The following UAP1L1 variants were observed in gnomAD, a reference collection of about 807,000 sequenced individuals.
The protein encoded by UAP1L1 is UDP-N-acetylhexosamine pyrophosphorylase-like protein 1.
In UAP1L1, 45 loss-of-function variants were observed where a neutral mutation model predicts 45.3. The ratio of observed to expected loss-of-function variants is 0.99; its 90% CI spans 0.78 to 1.27. UAP1L1 has a LOEUF of 1.27. UAP1L1 is among the 50% of genes most tolerant of loss of function. The pLI is 0.00. For missense variants in UAP1L1, 667 were observed against 694.0 expected, an observed-to-expected ratio of 0.96 and a Z score of 0.44; for synonymous variants, 323 against 303.9, an observed-to-expected ratio of 1.06 and a Z score of -0.65.
rs1422233241 is a variant in UAP1L1 at position 137,082,948 on chromosome 9, G to A, written c.*219G>A. The stretch of plus-strand genomic sequence containing the variant: ...CCACGAGGGCAGGGCCTCTCCTGTC[G>A]CCTCTGGACACAAGTGGCGACAGCC... On this transcript the variant is annotated 3_prime_UTR_variant, in exon 9 of 9. Coordinates refer to ENST00000409858, the MANE Select transcript of UAP1L1 (RefSeq NM_207309.3). This position sits in a 1 kb window ranked among gnomAD's most constrained non-coding sequence, Gnocchi z 5.7. The A allele has an allele frequency of 3.9e-5, 21 of 540,456 alleles. No homozygotes were observed. Among genetic ancestry groups the A allele is most frequent in the Middle Eastern group, 5.0e-4 (1 of 1,988 alleles). 33.5% of individuals were successfully genotyped at this position (540,456 alleles called of 1,614,324 possible).
chr9:137,078,751 C>T lies in UAP1L1; in HGVS notation c.670+74C>T, dbSNP rs1832738324. On this transcript the variant is annotated intron_variant, in intron 3 of 8. Transcript: ENST00000409858. ...GAGCGTAGTTGGGGGTCCACGCGCC[C>T]GGGTTCGCGGCTGCCCCGAGGCTGT... 7.3e-6 allele frequency: 11 copies of T among 1,502,406 alleles called. No individual in the cohort carries two copies. In the Admixed American group the frequency reaches 1.1e-4, roughly 14 times the overall value. 93.1% of individuals were successfully genotyped at this position (1,502,406 alleles called of 1,614,324 possible). A position where few individuals can be genotyped will look rare whatever the true frequency, so the allele number is the denominator to read the frequency against.
rs1832806074 is a variant in UAP1L1, at chr9:137,082,559, G to GTGGC, written c.1432-76_1432-73dup. ...AGACCTGGGATCGCACCTGGGGACT[G>GTGGC]TGGCTCTTGGTGTGGCCAGAGGGGC... On this transcript the variant is annotated intron_variant, in intron 8 of 8. Coordinates refer to ENST00000409858, the MANE Select transcript of UAP1L1 (RefSeq NM_207309.3). The surrounding 1 kb of genome is among the most constrained non-coding windows in gnomAD (Gnocchi z 5.7). 2 of 1,220,518 alleles carry GTGGC rather than the reference G, an allele frequency of 1.6e-6. No homozygotes were observed. Among genetic ancestry groups the GTGGC allele is most frequent in the East Asian group, 5.1e-5 (2 of 38,964 alleles). 75.6% of individuals were successfully genotyped at this position (1,220,518 alleles called of 1,614,324 possible). A position where few individuals can be genotyped will look rare whatever the true frequency, so the allele number is the denominator to read the frequency against.
At position 137,082,538 on chromosome 9, in the gene UAP1L1, C is replaced by G; in HGVS notation, c.1432-99C>G. ...CACCCCTCCCTGACTCCAGGCAGAC[C>G]TGGGATCGCACCTGGGGACTGTGGC... On this transcript the variant is annotated intron_variant, in intron 8 of 8. Transcript: ENST00000409858. This position sits in a 1 kb window ranked among gnomAD's most constrained non-coding sequence, Gnocchi z 5.7. 5.0e-6 allele frequency: 5 copies of G among 998,734 alleles called. No individual in the cohort carries two copies. Among genetic ancestry groups the G allele is most frequent in the Non-Finnish European group, 7.6e-6 (5 of 658,706 alleles). The allele number at this position is 998,734 out of a possible 1,614,324, so 61.9% of individuals were successfully genotyped here.
rs1212651595 is a variant in UAP1L1 at position 137,082,861 on chromosome 9, G to T, written c.*132G>T. The T allele has an allele frequency of 5.8e-6, 4 of 691,928 alleles. No homozygotes were observed. Among genetic ancestry groups the T allele is most frequent in the Non-Finnish European group, 9.8e-6 (4 of 407,610 alleles). 42.9% of individuals were successfully genotyped at this position (691,928 alleles called of 1,614,324 possible). A position where few individuals can be genotyped will look rare whatever the true frequency, so the allele number is the denominator to read the frequency against. ...TACAGCCCAGCCTGAGCTCTGGGTG[G>T]GAAAGCAGCCTGCCCCATGCTTCCA... On this transcript the variant is annotated 3_prime_UTR_variant, in exon 9 of 9. Transcript: ENST00000409858. The surrounding 1 kb of genome is among the most constrained non-coding windows in gnomAD (Gnocchi z 5.7).
Position 137,077,993 on chromosome 9 carries a change from C to T in UAP1L1, c.290-57C>T, listed in dbSNP as rs1832719301. 2 of 1,538,310 alleles carry T rather than the reference C, an allele frequency of 1.3e-6. 1 individual carries two copies. Among genetic ancestry groups the T allele is most frequent in the South Asian group, 2.4e-5 (2 of 83,908 alleles). ...GCCCCAGCCCCAGAGTTGGTTTCCC[C>T]TAAAGCGGAAGGGTGGGCGGGTCCC... is the stretch of plus-strand genomic sequence containing the variant. On this transcript the variant is annotated intron_variant, in intron 1 of 8. Transcript: ENST00000409858. The surrounding 1 kb of genome is among the most constrained non-coding windows in gnomAD (Gnocchi z 4.7).
At chr9:137,079,643 G>A (rs1247756472) in intron 5 of UAP1L1, 194 bp downstream of exon 5, 1 of 612,604 alleles carries the variant, frequency 1.6e-6, no homozygotes, top group African/African-American at 1.9e-5. Context: ...TGGAGATCAG[G>A]CACAAGCCGT....
Position 137,078,077 on chromosome 9 carries a change from T to G in UAP1L1, c.317T>G (p.Val106Gly), listed in dbSNP as rs1396754196. ...TTCCGTCAGATTTCTCTGAACAAGG[T>G]GGCCGTCCTGCTGCTGGCTGGGGGG... Reference protein sequence around the residue: ...EGFRQISLNKVAVLLLAGGQG... With the variant: ...EGFRQISLNKGAVLLLAGGQG... Residue 106 changes from valine to glycine, a missense_variant, in exon 2 of 9, where the codon GTG becomes GGG. Transcript: ENST00000409858. 2 of 1,549,920 alleles carry G rather than the reference T, an allele frequency of 1.3e-6. No homozygotes were observed. The highest frequency in any genetic ancestry group is 2.4e-5 in the South Asian group (2 of 84,062).
At chr9:137,080,323 G>T in intron 6 of UAP1L1, 181 bp downstream of exon 6, 1 of 725,516 alleles carries the variant, frequency 1.4e-6, no homozygotes. Flanking sequence ...TGAGGTGGGG[G>T]CATAGGGAGT....
intron 2 of UAP1L1, 63 bp from the exon 3 acceptor site, chr9:137,078,439 C>A (rs986557978): frequency 1.2e-6 from 2 of 1,608,820 alleles, no homozygotes. Context: ...GGCTCTGGTC[C>A]GAGCCCCGTC....
In UAP1L1 at chr9:137,079,464, G is replaced by A. The variant is rs1322775285; in HGVS notation, c.1037+15G>A. The A allele has an allele frequency of 1.3e-6, 2 of 1,571,064 alleles. No individual in the cohort carries two copies. The highest frequency in any genetic ancestry group is 1.7e-6 in the Non-Finnish European group (2 of 1,153,480). ...GCGGTCACCAGGTGTGCGGCAGCAG[G>A]TGGCTGCGGATTGCCGGCCAGAGCC... On this transcript the variant is annotated intron_variant, in intron 5 of 8. Coordinates refer to ENST00000409858, the MANE Select transcript of UAP1L1 (RefSeq NM_207309.3).
At chr9:137,078,725 G>C in intron 3 of UAP1L1, 48 bp downstream of exon 3, 2 of 1,569,166 alleles carry the variant, frequency 1.3e-6, no homozygotes, top group South Asian at 2.3e-5. Flanking sequence ...ACTAGAACTG[G>C]GAGCGTAGTT....
Position 137,082,066 on chromosome 9 carries a change from T to C in UAP1L1, c.1431+2T>C, listed in dbSNP as rs758091250. The C allele has an allele frequency of 3.1e-6, 5 of 1,613,862 alleles. No individual in the cohort carries two copies. The highest frequency in any genetic ancestry group is 4.2e-6 in the Non-Finnish European group (5 of 1,179,928). ...CCCTTGGTGTCTTACTCTGGAGAGG[T>C]GAGAGCTGCCCATCCCTATCTGGGG... On this transcript the variant is annotated splice_donor_variant, in intron 8 of 8. Coordinates refer to ENST00000409858, the MANE Select transcript of UAP1L1 (RefSeq NM_207309.3). LOFTEE classifies it high-confidence loss of function. This position sits in a 1 kb window ranked among gnomAD's most constrained non-coding sequence, Gnocchi z 5.7.
At chr9:137,080,526 G>C (rs1040228309) in intron 6 of UAP1L1, 163 bp from the exon 7 acceptor site, 1 of 699,276 alleles carries the variant, frequency 1.4e-6, no homozygotes, top group Admixed American at 3.0e-5. Context: ...CATCCCTGGC[G>C]TCTCAGGAGC....
rs1832827491 is a variant in UAP1L1 at position 137,083,750 on chromosome 9, C to T, written c.*1021C>T. 3 of 152,266 alleles carry T rather than the reference C, an allele frequency of 2.0e-5. No individual in the cohort carries two copies. Among genetic ancestry groups the T allele is most frequent in the Admixed American group, 2.0e-4 (3 of 15,284 alleles). 9.4% of individuals were successfully genotyped at this position (152,266 alleles called of 1,614,324 possible). A position where few individuals can be genotyped will look rare whatever the true frequency, so the allele number is the denominator to read the frequency against. On this transcript the variant is annotated 3_prime_UTR_variant, in exon 9 of 9. Transcript: ENST00000409858. ...TGGTGATTCTCGCCTGCTTTCTCAT[C>T]TCAGGGGAGGCAGTGGCACCTCCCT... is the stretch of plus-strand genomic sequence containing the variant.
rs528507651 is a variant in UAP1L1 at position 137,080,171 on chromosome 9, C to T, written c.1178+29C>T. On this transcript the variant is annotated intron_variant, in intron 6 of 8. Transcript: ENST00000409858. ...AGTAGTAGAACTCATTTATTTTCCC[C>T]TTCTTCCTTCTCTCAGTTTTGGTGG... The T allele has an allele frequency of 8.1e-6, 13 of 1,611,174 alleles. No individual in the cohort carries two copies. In the South Asian group the frequency reaches 1.2e-4, roughly 15 times the overall value.
At position 137,078,606 on chromosome 9, in the gene UAP1L1, G is replaced by A. The variant is rs766437607; in HGVS notation, c.599G>A (p.Arg200His). 6.2e-7 allele frequency: 1 copy of A among 1,613,132 alleles called. No homozygotes were observed. Among genetic ancestry groups the A allele is most frequent in the Non-Finnish European group, 8.5e-7 (1 of 1,180,008 alleles). ...GCCAACGTGGTCATGTTTGAGCAGC[G>A]CCTGCTGCCTGCTGTGACCTTTGAT... ...DPANVVMFEQ[R>H]LLPAVTFDGK... is the part of the protein sequence containing the mutation. Residue 200 changes from arginine (R) to histidine (H), a missense_variant, in exon 3 of 9, where the codon CGC becomes CAC. Transcript: ENST00000409858.
chr9:137,077,854 G>A lies in UAP1L1; in HGVS notation c.289+33G>A. On this transcript the variant is annotated intron_variant, in intron 1 of 8. Transcript: ENST00000409858. The surrounding 1 kb of genome is among the most constrained non-coding windows in gnomAD (Gnocchi z 4.7). ...GGGTGGGAGGCCCTGGGGGCCGGCA[G>A]GGGGTCGTGCCCACGGAGCGGGTGG... 1.4e-6 allele frequency: 2 copies of A among 1,431,838 alleles called. No homozygotes were observed. Among genetic ancestry groups the A allele is most frequent in the Non-Finnish European group, 1.8e-6 (2 of 1,097,522 alleles). The allele number at this position is 1,431,838 out of a possible 1,614,324, so 88.7% of individuals were successfully genotyped here. A position where few individuals can be genotyped will look rare whatever the true frequency, so the allele number is the denominator to read the frequency against.
Position 137,079,143 on chromosome 9 carries a change from G to A in UAP1L1, c.838G>A (p.Ala280Thr), listed in dbSNP as rs1212187710. The change falls in exon 4 of 9, where the codon GCC (alanine) becomes ACC (threonine). Residue 280 changes from alanine to threonine, a missense_variant. Ala to Thr is a moderately conservative substitution (Grantham distance 58). Transcript: ENST00000409858. The part of the protein sequence containing the change: ...FCVLQGADCG[A>T]KVVEKAYPEE... ...TGTGTTGCAGGGCGCAGACTGTGGC[G>A]CCAAGGTTAGCGCCCGACTGCGCGG... 1.2e-6 allele frequency: 2 copies of A among 1,609,672 alleles called. No individual in the cohort carries two copies. Among genetic ancestry groups the A allele is most frequent in the East Asian group, 2.2e-5 (1 of 44,846 alleles).
intron 7 of UAP1L1, among the ~76,000 whole-genome samples, chr9:137,081,137 T>C (rs781573815): frequency 6.6e-6 from 1 of 152,212 alleles, no homozygotes; most frequent in Non-Finnish European, 1.5e-5. Context: ...CCCCAACTTA[T>C]CCACAAGGTT....
Sources: allele counts gnomAD v4.1 joint callset (sites outside exome capture counted in the v4.1 genomes callset), GRCh38; gene constraint gnomAD v4.1.1; non-coding constraint Gnocchi (gnomAD v3.1); transcripts MANE v1.5; gene names NCBI Gene and HGNC (gene_info 2026-07-23, HGNC 2026-07-21).